The following CLSTN2 variants were observed in gnomAD, a reference collection of about 807,000 sequenced individuals.
CLSTN2 encodes calsyntenin-2.
Under a neutral mutation model 101.2 loss-of-function variants are expected in CLSTN2, and 48 were observed. The observed-to-expected ratio is 0.47, with a 90% CI of 0.38 to 0.60. The LOEUF is 0.60. Among genes scored for constraint, CLSTN2 ranks in the 20% least tolerant of loss-of-function variants. The pLI is 0.00. For missense variants in CLSTN2, 1,160 were observed against 1,238.2 expected (o/e 0.94, Z 0.95); for synonymous variants, 481 against 463.6 (o/e 1.04, Z -0.48).
intron 2 of CLSTN2, among the ~76,000 whole-genome samples, chr3:140,360,013 C>CAT (rs2087710270): frequency 6.7e-6 from 1 of 150,166 alleles, no homozygotes; most frequent in Non-Finnish European, 1.5e-5. Context: ...CACACACACA[C>CAT]ACACACACAC....
At chr3:140,532,158 C>G (rs6775694) in intron 8 of CLSTN2, among the ~76,000 whole-genome samples, 166 bp from the exon 9 acceptor site, 6,289 of 152,238 alleles carry the variant, frequency 0.041, 422 homozygotes, top group African/African-American at 0.14. Flanking sequence ...TGTTTGATGA[C>G]AAGCTTCTAT....
At chr3:140,459,397 C>A in intron 6 of CLSTN2, 124 bp from the exon 7 acceptor site, 4 of 1,091,702 alleles carry the variant, frequency 3.7e-6, no homozygotes, top group South Asian at 1.5e-5. Context: ...AGTCACATAG[C>A]TCATGGTTAG....
intron 1 of CLSTN2, among the ~76,000 whole-genome samples, chr3:139,951,932 G>T (rs1465957702): frequency 6.6e-6 from 1 of 151,980 alleles, no homozygotes; most frequent in Non-Finnish European, 1.5e-5. Flanking sequence ...AGAGGTGAGG[G>T]TTTTTATTTT....
chr3:140,268,958 G>T (rs1169629178), intron 2 of CLSTN2, among the ~76,000 whole-genome samples: 2 of 152,174 alleles, frequency 1.3e-5, no homozygotes, highest in African/African-American at 4.8e-5. Flanking sequence ...GCTCTATATA[G>T]AAGTTAAATA....
At chr3:140,296,737 C>T (rs1420762280) in intron 2 of CLSTN2, among the ~76,000 whole-genome samples, 1 of 152,212 alleles carries the variant, frequency 6.6e-6, no homozygotes, top group Admixed American at 6.5e-5. Context: ...CCATCTGTCC[C>T]TTTAGGGCTG....
intron 1 of CLSTN2, among the ~76,000 whole-genome samples, chr3:140,013,100 G>A (rs115431505): frequency 0.013 from 1,953 of 152,324 alleles, 38 homozygotes; most frequent in African/African-American, 0.043. Context: ...GCTATAGGGA[G>A]AGACAGCCAG....
At chr3:140,339,780 C>T (rs1479878) in intron 2 of CLSTN2, among the ~76,000 whole-genome samples, 99,707 of 152,168 alleles carry the variant, frequency 0.66, 33,004 homozygotes, top group Non-Finnish European at 0.7. Context: ...TTAATGAACA[C>T]TGTTATAGTG....
At chr3:140,514,798 T>C (rs1444854555) in intron 8 of CLSTN2, among the ~76,000 whole-genome samples, 1 of 152,132 alleles carries the variant, frequency 6.6e-6, no homozygotes, top group African/African-American at 2.4e-5. Flanking sequence ...TGCCAACATC[T>C]ATTTATTTTT....
At chr3:140,524,062 C>A (rs540029017) in intron 8 of CLSTN2, among the ~76,000 whole-genome samples, 1 of 152,164 alleles carries the variant, frequency 6.6e-6, no homozygotes, top group African/African-American at 2.4e-5. Context: ...ATTATCAGAA[C>A]TGTGCAGTAA....
intron 11 of CLSTN2, 145 bp from the exon 12 acceptor site, chr3:140,558,495 T>C (rs1935843744): frequency 3.3e-6 from 2 of 598,524 alleles, no homozygotes; most frequent in Admixed American, 6.6e-5. Flanking sequence ...GCTTTAAATT[T>C]GAATGTCTGT....
chr3:140,548,670 G>A (rs1211206489), intron 10 of CLSTN2, among the ~76,000 whole-genome samples: 1 of 152,246 alleles, frequency 6.6e-6, no homozygotes, highest in African/African-American at 2.4e-5. Context: ...GTATTCACTA[G>A]AACTTCAACA....
chr3:139,960,463 T>C (rs556184997), intron 1 of CLSTN2, among the ~76,000 whole-genome samples: 1 of 152,326 alleles, frequency 6.6e-6, no homozygotes, highest in African/African-American at 2.4e-5. Context: ...TCCTATTACC[T>C]AGAAGAGTAT....
intron 2 of CLSTN2, among the ~76,000 whole-genome samples, chr3:140,384,547 G>A (rs1030420498): frequency 6.6e-6 from 1 of 152,148 alleles, no homozygotes; most frequent in Non-Finnish European, 1.5e-5. Context: ...GATGAGAGGT[G>A]CCCAGGGGTC....
intron 1 of CLSTN2, among the ~76,000 whole-genome samples, chr3:140,033,944 T>A (rs142672190): frequency 5.9e-5 from 9 of 152,328 alleles, no homozygotes; most frequent in Admixed American, 5.9e-4. Context: ...AGAGAAAATG[T>A]CTCTCATTAG....
chr3:140,465,526 G>A (rs1933675227), intron 7 of CLSTN2, among the ~76,000 whole-genome samples: 1 of 152,156 alleles, frequency 6.6e-6, no homozygotes. Flanking sequence ...GTCATGTGCT[G>A]GGCGATTCTC....
chr3:139,937,182 G>A (rs2107804959), intron 1 of CLSTN2, among the ~76,000 whole-genome samples: 1 of 152,306 alleles, frequency 6.6e-6, no homozygotes, highest in Admixed American at 6.5e-5. Flanking sequence ...ACGGGAGTTT[G>A]AAGGAGGGTG....
intron 10 of CLSTN2, among the ~76,000 whole-genome samples, chr3:140,552,236 C>T (rs948706376): frequency 6.6e-6 from 1 of 152,044 alleles, no homozygotes; most frequent in Non-Finnish European, 1.5e-5. Context: ...CTTGGCTCAA[C>T]GAAAGGCTAT....
At chr3:140,425,079 G>C (rs1232403180) in intron 5 of CLSTN2, among the ~76,000 whole-genome samples, 1 of 152,204 alleles carries the variant, frequency 6.6e-6, no homozygotes, top group Admixed American at 6.5e-5. Flanking sequence ...TTGGCAGTTT[G>C]AATTCTGGTA....
chr3:140,510,495 G>T (rs1421964346), intron 8 of CLSTN2, among the ~76,000 whole-genome samples: 1 of 152,206 alleles, frequency 6.6e-6, no homozygotes, highest in Non-Finnish European at 1.5e-5. Context: ...TGATTTCCAT[G>T]CTCGAAGCAC....
Sources: gnomAD v4.1 joint callset for allele counts (sites outside exome capture counted in the v4.1 genomes callset) on GRCh38, gnomAD v4.1.1 for gene constraint, MANE v1.5 for transcripts, NCBI Gene and HGNC (gene_info 2026-07-23, HGNC 2026-07-21) for gene names.